The following YOD1 variants were observed in gnomAD, a reference collection of about 807,000 sequenced individuals.
The protein encoded by YOD1 is ubiquitin thioesterase OTU1.
A neutral mutation model predicts 23.7 loss-of-function variants in YOD1; 17 were observed. That is an observed-to-expected ratio of 0.72 (90% confidence interval 0.49 to 1.07). The LOEUF is 1.07. Ranked by LOEUF, YOD1 falls within the 50% of genes least tolerant of loss-of-function variation. The pLI is 0.00. For missense variants in YOD1, 413 were observed against 447.2 expected, an observed-to-expected ratio of 0.92 and a Z score of 0.69; for synonymous variants, 191 against 169.6, an observed-to-expected ratio of 1.13 and a Z score of -0.98.
In YOD1 at chr1:207,048,977, G is replaced by A. The variant is rs1328063854; in HGVS notation, c.*43C>T. On this transcript the variant is annotated 3_prime_UTR_variant, in exon 2 of 2. Transcript: ENST00000315927. ...CTTATTGGAAAACCCAGAGCCTTCT[G>A]GATGTGTGAGGTAGTAGGCTTCAAC... The A allele has an allele frequency of 1.3e-6, 2 of 1,552,128 alleles. No individual in the cohort carries two copies. Among genetic ancestry groups the A allele is most frequent in the Non-Finnish European group, 1.8e-6 (2 of 1,138,408 alleles).
In YOD1 at chr1:207,044,653, C is replaced by G. The variant is rs1682551200; in HGVS notation, c.*4367G>C. On this transcript the variant is annotated 3_prime_UTR_variant, in exon 2 of 2. Transcript: ENST00000315927. ...TTCATACTTTAATGATAAGCTTTTT[C>G]ACCTATGGCCATGCTACATTCTATG... The G allele has an allele frequency of 6.6e-6, 1 of 152,218 alleles. No individual in the cohort carries two copies. Among genetic ancestry groups the G allele is most frequent in the Non-Finnish European group, 1.5e-5 (1 of 67,928 alleles). 9.4% of individuals were successfully genotyped at this position (152,218 alleles called of 1,614,324 possible).
At chr1:207,050,145 T>C (rs774421351) in intron 1 of YOD1, among the ~76,000 whole-genome samples, 23 of 152,344 alleles carry the variant, frequency 1.5e-4, no homozygotes, top group Non-Finnish European at 2.2e-4. Flanking sequence ...AGCTTTTAAT[T>C]ATAAACACTG....
In YOD1 at chr1:207,046,065, A is replaced by G. The variant is rs958762085; in HGVS notation, c.*2955T>C. ...TTTAGCTTCTGAAATCACTTTATTCAGGAGTGAATCTTCATAGTACTACAC... is the reference window on the plus strand; with the variant it reads ...TTTAGCTTCTGAAATCACTTTATTCGGGAGTGAATCTTCATAGTACTACAC... On this transcript the variant is annotated 3_prime_UTR_variant, in exon 2 of 2. Transcript: ENST00000315927. 4.6e-5 allele frequency: 7 copies of G among 152,104 alleles called. No homozygotes were observed. The highest frequency in any genetic ancestry group is 3.3e-4 in the Admixed American group (5 of 15,278). The allele number at this position is 152,104 out of a possible 1,614,324, so 9.4% of individuals were successfully genotyped here. A position where few individuals can be genotyped will look rare whatever the true frequency, so the allele number is the denominator to read the frequency against.
Position 207,048,767 on chromosome 1 carries a change from G to C in YOD1, c.*253C>G. The C allele has an allele frequency of 2.2e-6, 1 of 444,820 alleles. No individual in the cohort carries two copies. Among genetic ancestry groups the C allele is most frequent in the Admixed American group, 4.0e-5 (1 of 24,920 alleles). The allele number at this position is 444,820 out of a possible 1,614,324, so 27.6% of individuals were successfully genotyped here. A position where few individuals can be genotyped will look rare whatever the true frequency, so the allele number is the denominator to read the frequency against. On this transcript the variant is annotated 3_prime_UTR_variant, in exon 2 of 2. Coordinates refer to ENST00000315927, the MANE Select transcript of YOD1 (RefSeq NM_018566.4). ...ACCTTCAGGTCAGTGTCAGTAGGTG[G>C]CAAGGATCACCTATTCTGTCACTCC...
chr1:207,051,214 G>T, upstream of YOD1: 1 of 1,201,344 alleles, frequency 8.3e-7, no homozygotes, highest in Non-Finnish European at 1.1e-6. Context: ...CGAGTGAGGT[G>T]CCCTCCGCGT....
In YOD1 at chr1:207,049,487, G is replaced by C; in HGVS notation, c.580C>G (p.Pro194Ala). ...AGTATTGCCTCACTATAGAAGTCTG[G>C]ATCGCTTGCTACAATTTGTGCTATG... ...RLIAQIVASD[P>A]DFYSEAILGK... Residue 194 changes from proline (P) to alanine (A), a missense_variant, in exon 2 of 2, where the codon CCA becomes GCA. By Grantham distance (27) the Pro-to-Ala change is conservative (BLOSUM62 -1). Transcript: ENST00000315927. The C allele has an allele frequency of 6.2e-7, 1 of 1,614,124 alleles. No individual in the cohort carries two copies. The highest frequency in any genetic ancestry group is 8.5e-7 in the Non-Finnish European group (1 of 1,180,020).
Position 207,044,501 on chromosome 1 carries a change from C to T in YOD1, c.*4519G>A, listed in dbSNP as rs1406765343. 1 of 152,464 alleles carries T rather than the reference C, an allele frequency of 6.6e-6. No homozygotes were observed. Among genetic ancestry groups the T allele is most frequent in the East Asian group, 1.9e-4 (1 of 5,204 alleles). 9.4% of individuals were successfully genotyped at this position (152,464 alleles called of 1,614,324 possible). The stretch of plus-strand genomic sequence containing the variant: ...TTAGAAATTCTGAGCCTAAGATGAT[C>T]CTTTCTGTTTACCTACAACTTAATC... On this transcript the variant is annotated 3_prime_UTR_variant, in exon 2 of 2. Coordinates refer to ENST00000315927, the MANE Select transcript of YOD1 (RefSeq NM_018566.4).
At position 207,050,702 on chromosome 1, in the gene YOD1, A is replaced by G. The variant is rs751278996; in HGVS notation, c.329T>C (p.Leu110Ser). The G allele has an allele frequency of 3.1e-6, 5 of 1,613,108 alleles. No individual in the cohort carries two copies. The South Asian group carries it at 5.5e-5, about 18-fold the overall frequency. The change falls in exon 1 of 2, where the codon TTG (leucine) becomes TCG (serine). Residue 110 changes from leucine to serine, a missense_variant. Leu to Ser is a moderately radical substitution (Grantham distance 145, BLOSUM62 -2). Coordinates refer to ENST00000315927, the MANE Select transcript of YOD1 (RefSeq NM_018566.4). Reference sequence around the variant, plus strand: ...TGATTCCTTACCAGATTGGATGGGCAAGTCTTCCAGAATGGTATCCCCATT... The same window carrying G: ...TGATTCCTTACCAGATTGGATGGGCGAGTCTTCCAGAATGGTATCCCCATT... ...LSNGDTILED[L>S]PIQSGDMLII...
In YOD1 at chr1:207,050,796, T is replaced by C. The variant is rs1332459434; in HGVS notation, c.235A>G (p.Ile79Val). The stretch of plus-strand genomic sequence containing the variant: ...TGACCGCCGGGGGCGATCCCGGTGA[T>C]GGCGGCAATTTGGCCCTGGAGTTCC... Reference protein sequence around the residue: ...VRELQGQIAAITGIAPGGQRI... With the variant: ...VRELQGQIAAVTGIAPGGQRI... Residue 79 changes from isoleucine (I) to valine (V), a missense_variant, in exon 1 of 2, where the codon ATC (isoleucine) becomes GTC (valine). Physicochemically the swap from Ile to Val is conservative, Grantham distance 29. Transcript: ENST00000315927. 3 of 1,613,316 alleles carry C rather than the reference T, an allele frequency of 1.9e-6. No individual in the cohort carries two copies. The highest frequency in any genetic ancestry group is 2.5e-6 in the Non-Finnish European group (3 of 1,180,020).
In YOD1 at chr1:207,047,453, G is replaced by A. The variant is rs1682626973; in HGVS notation, c.*1567C>T. Reference sequence around the variant, plus strand: ...AATGTCAATTTTAAAACATTTGCTAGGCAGATATGCTGAAAAAGATCCAAG... The same window carrying A: ...AATGTCAATTTTAAAACATTTGCTAAGCAGATATGCTGAAAAAGATCCAAG... On this transcript the variant is annotated 3_prime_UTR_variant, in exon 2 of 2. Transcript: ENST00000315927. 1 of 152,522 alleles carries A rather than the reference G, an allele frequency of 6.6e-6. No homozygotes were observed. The highest frequency in any genetic ancestry group is 6.5e-5 in the Admixed American group (1 of 15,274). 9.4% of individuals were successfully genotyped at this position (152,522 alleles called of 1,614,324 possible).
At chr1:207,052,124 A>G, upstream of YOD1, 1 of 1,481,146 alleles carries the variant, frequency 6.8e-7, no homozygotes, top group Non-Finnish European at 9.4e-7. Context: ...GGGTTTATCA[A>G]GCATCAAACG....
In YOD1 at chr1:207,049,075, G is replaced by A; in HGVS notation, c.992C>T (p.Ala331Val). The A allele has an allele frequency of 6.2e-7, 1 of 1,613,920 alleles. No homozygotes were observed. Among genetic ancestry groups the A allele is most frequent in the South Asian group, 1.1e-5 (1 of 91,086 alleles). The change falls in exon 2 of 2, where the codon GCA (alanine) becomes GTA (valine). Residue 331 changes from alanine (A) to valine (V), a missense_variant. Transcript: ENST00000315927. ...CTCCTTGGCATGTTCCCTTGCTTCTGCTTGTCCAGTTAATCCTTTCTGACA... is the reference window on the plus strand; with the variant it reads ...CTCCTTGGCATGTTCCCTTGCTTCTACTTGTCCAGTTAATCCTTTCTGACA... ...MVCQKGLTGQ[A>V]EAREHAKETG...
Position 207,050,674 on chromosome 1 carries a change from C to T in YOD1, c.343+14G>A, listed in dbSNP as rs376820840. 9.9e-6 allele frequency: 16 copies of T among 1,612,712 alleles called. No homozygotes were observed. The highest frequency in any genetic ancestry group is 7.7e-5 in the South Asian group (7 of 91,058). ...CTCCCGGGACTTTCCCTGGCCCCAG[C>T]CCTGATTCCTTACCAGATTGGATGG... On this transcript the variant is annotated intron_variant, in intron 1 of 1. Coordinates refer to ENST00000315927, the MANE Select transcript of YOD1 (RefSeq NM_018566.4).
At chr1:207,051,443 A>G (rs554831109), upstream of YOD1, among the ~76,000 whole-genome samples, 52 of 152,290 alleles carry the variant, frequency 3.4e-4, 1 homozygote, top group South Asian at 0.011. Flanking sequence ...AAAAACAATC[A>G]CACTTGTGAC....
At chr1:207,052,145 G>A (rs1474746126), upstream of YOD1, 7 of 1,599,380 alleles carry the variant, frequency 4.4e-6, no homozygotes, top group Non-Finnish European at 6.0e-6. Context: ...GGCCCGCTGG[G>A]GCAACTATGA....
upstream of YOD1, among the ~76,000 whole-genome samples, chr1:207,051,940 T>A (rs1273804145): frequency 6.6e-6 from 1 of 152,216 alleles, no homozygotes; most frequent in African/African-American, 2.4e-5. Context: ...CTGGGAGTTG[T>A]AAAAAGCCTT....
Position 207,051,039 on chromosome 1 carries a change from G to T in YOD1, c.-9C>A. On this transcript the variant is annotated 5_prime_UTR_variant, in exon 1 of 2. Coordinates refer to ENST00000315927, the MANE Select transcript of YOD1 (RefSeq NM_018566.4). ...TTAGCGGGGCCAAACATCGCGAGAAGTTGCGGGTGGTTGCAGTTATCGCGA... is the reference window on the plus strand; with the variant it reads ...TTAGCGGGGCCAAACATCGCGAGAATTTGCGGGTGGTTGCAGTTATCGCGA... 1 of 1,491,330 alleles carries T rather than the reference G, an allele frequency of 6.7e-7. No individual in the cohort carries two copies. The allele number at this position is 1,491,330 out of a possible 1,614,324, so 92.4% of individuals were successfully genotyped here. A position where few individuals can be genotyped will look rare whatever the true frequency, so the allele number is the denominator to read the frequency against.
Sources: allele counts gnomAD v4.1 joint callset (sites outside exome capture counted in the v4.1 genomes callset), GRCh38; gene constraint gnomAD v4.1.1; transcripts MANE v1.5; gene names NCBI Gene and HGNC (gene_info 2026-07-23, HGNC 2026-07-21).